Variants in CDCA7L observed in about 807,000 individuals in gnomAD.
CDCA7L encodes cell division cycle-associated 7-like protein.
In CDCA7L, 44 loss-of-function variants were observed where a neutral mutation model predicts 57.4. The observed-to-expected ratio is 0.77, with a 90% CI of 0.60 to 0.98. CDCA7L has a LOEUF of 0.98. Ranked by LOEUF, CDCA7L falls within the 50% of genes least tolerant of loss-of-function variation. The pLI is 0.00. For synonymous variants in CDCA7L, 236 were observed against 202.8 expected, an observed-to-expected ratio of 1.16 and a Z score of -1.39; for missense variants, 644 against 580.6, an observed-to-expected ratio of 1.11 and a Z score of -1.12.
intron 1 of CDCA7L, among the ~76,000 whole-genome samples, chr7:21,933,498 C>T (rs1387532547): frequency 6.6e-6 from 1 of 152,110 alleles, no homozygotes; most frequent in African/African-American, 2.4e-5. Flanking sequence ...ATGTCCTTTG[C>T]AGGGACATGG....
At chr7:21,942,069 C>T (rs1172450009) in intron 1 of CDCA7L, among the ~76,000 whole-genome samples, 1 of 151,038 alleles carries the variant, frequency 6.6e-6, no homozygotes, top group Non-Finnish European at 1.5e-5. Context: ...TTTGTTCTTC[C>T]ACCCTACCAA....
chr7:21,905,619 C>T lies in CDCA7L; in HGVS notation c.934G>A (p.Glu312Lys). The T allele has an allele frequency of 6.2e-7, 1 of 1,613,812 alleles. No individual in the cohort carries two copies. Among genetic ancestry groups the T allele is most frequent in the Admixed American group, 1.7e-5 (1 of 60,016 alleles). The stretch of plus-strand genomic sequence containing the variant: ...GATATACGGTGACGTCGTCTGTACT[C>T]CCGGCATTTCCCCTGCACAATGAAC... ...RRKTIGGKCR[E>K]YRRRHRISSF... is the part of the protein sequence containing the mutation. The change falls in exon 7 of 10, where the codon GAG becomes AAG. Residue 312 changes from glutamate to lysine, a missense_variant. Transcript: ENST00000406877.
chr7:21,905,824 CAATCAT>C (rs1324753316), intron 6 of CDCA7L, 193 bp from the exon 7 acceptor site: 2 of 599,088 alleles, frequency 3.3e-6, no homozygotes, highest in African/African-American at 3.7e-5. Context: ...CAAGGCGATA[CAATCAT>C]AAAGGAGGAA....
intron 3 of CDCA7L, among the ~76,000 whole-genome samples, chr7:21,908,967 G>C (rs926361027): frequency 6.6e-6 from 1 of 152,194 alleles, no homozygotes; most frequent in Non-Finnish European, 1.5e-5. Context: ...ATAACAGGGC[G>C]GGAGAGCTGA....
At chr7:21,923,245 C>A (rs1476080689) in intron 1 of CDCA7L, among the ~76,000 whole-genome samples, 4 of 152,100 alleles carry the variant, frequency 2.6e-5, no homozygotes, top group African/African-American at 9.7e-5. Flanking sequence ...TCCCAGCACT[C>A]TGGGAGGCCG....
intron 2 of CDCA7L, among the ~76,000 whole-genome samples, chr7:21,915,615 TG>T (rs2128061505): frequency 7.9e-6 from 1 of 126,350 alleles, no homozygotes; most frequent in South Asian, 2.5e-4. Context: ...CTGGCCAATA[TG>T]GCAAAACCCC....
At position 21,921,485 on chromosome 7, in the gene CDCA7L, C is replaced by T. The variant is rs80020898; in HGVS notation, c.25-4591G>A. On this transcript the variant is annotated intron_variant, in intron 1 of 9. Coordinates refer to ENST00000406877, the MANE Select transcript of CDCA7L (RefSeq NM_018719.5). ...CACAGGGACCTCTTCTAATGAATGA[C>T]CAGTTCCACAACACAGTGATACATT... 3.8e-3 allele frequency among the ~76,000 whole-genome samples: 580 copies of T among 152,146 alleles called. 1 individual carries two copies. The highest frequency in any genetic ancestry group is 0.013 in the African/African-American group (541 of 41,510).
chr7:21,923,790 T>C (rs1785740467), intron 1 of CDCA7L, among the ~76,000 whole-genome samples: 1 of 152,214 alleles, frequency 6.6e-6, no homozygotes, highest in Non-Finnish European at 1.5e-5. Flanking sequence ...AGAACCACAC[T>C]TGGCTGAAAT....
intron 1 of CDCA7L, among the ~76,000 whole-genome samples, chr7:21,930,403 G>A (rs1194238965): frequency 6.6e-6 from 1 of 152,086 alleles, no homozygotes; most frequent in East Asian, 1.9e-4. Context: ...ACAATTAAAA[G>A]AACTAGAGAG....
chr7:21,924,023 G>GT (rs1335978956), intron 1 of CDCA7L, among the ~76,000 whole-genome samples: 1 of 152,116 alleles, frequency 6.6e-6, no homozygotes, highest in African/African-American at 2.4e-5. Context: ...ATTCAATCAA[G>GT]TATTTACCTT....
At chr7:21,924,147 T>C (rs1322654874) in intron 1 of CDCA7L, among the ~76,000 whole-genome samples, 1 of 152,214 alleles carries the variant, frequency 6.6e-6, no homozygotes, top group East Asian at 1.9e-4. Flanking sequence ...AAATTCATCC[T>C]TCCTGGATTA....
At chr7:21,939,789 A>T (rs1786283667) in intron 1 of CDCA7L, among the ~76,000 whole-genome samples, 1 of 152,104 alleles carries the variant, frequency 6.6e-6, no homozygotes, top group African/African-American at 2.4e-5. Context: ...TCTAACAATC[A>T]AAAAGAAACC....
intron 1 of CDCA7L, among the ~76,000 whole-genome samples, chr7:21,920,324 G>A (rs1439392839): frequency 6.6e-6 from 1 of 152,180 alleles, no homozygotes; most frequent in African/African-American, 2.4e-5. Context: ...ACTTAGCTTC[G>A]TGGAATTCTC....
At chr7:21,943,192 G>C (rs1786398579) in intron 1 of CDCA7L, among the ~76,000 whole-genome samples, 1 of 152,212 alleles carries the variant, frequency 6.6e-6, no homozygotes. Flanking sequence ...AAGACACAGT[G>C]GTCAGCACGA....
At chr7:21,905,291 C>A (rs1222149804) in intron 7 of CDCA7L, among the ~76,000 whole-genome samples, 2 of 152,132 alleles carry the variant, frequency 1.3e-5, no homozygotes, top group Non-Finnish European at 1.5e-5. Context: ...CCAGATTCTA[C>A]GCATCCCTAA....
intron 3 of CDCA7L, among the ~76,000 whole-genome samples, chr7:21,910,991 G>A (rs901017770): frequency 2.2e-5 from 3 of 135,628 alleles, no homozygotes; most frequent in Non-Finnish European, 4.6e-5. Flanking sequence ...AGAGGTTTAA[G>A]GAACTCTTGA....
intron 1 of CDCA7L, among the ~76,000 whole-genome samples, chr7:21,931,531 T>C (rs12154480): frequency 6.6e-6 from 1 of 151,954 alleles, no homozygotes; most frequent in East Asian, 1.9e-4. Context: ...AAAAACCACA[T>C]GATTATCTCA....
rs1401284421 is a variant in CDCA7L at position 21,908,597 on chromosome 7, GA to G, written c.304-91del. ...TTTAAAACAACTGACAGCATTATGA[GA>G]AAAAACATGAAAAATGAAAAGCTTC... On this transcript the variant is annotated intron_variant, in intron 3 of 9. Coordinates refer to ENST00000406877, the MANE Select transcript of CDCA7L (RefSeq NM_018719.5). The G allele has an allele frequency of 3.1e-6, 4 of 1,279,680 alleles. 1 individual carries two copies. In the South Asian group the frequency reaches 8.1e-5, roughly 26 times the overall value. 79.3% of individuals were successfully genotyped at this position (1,279,680 alleles called of 1,614,324 possible).
chr7:21,906,742 T>C, intron 4 of CDCA7L, 103 bp from the exon 5 acceptor site: 2 of 1,036,214 alleles, frequency 1.9e-6, no homozygotes, highest in Non-Finnish European at 3.0e-6. Flanking sequence ...ATAAGAAACC[T>C]AACTTGAATA....
Sources: allele counts gnomAD v4.1 joint callset (sites outside exome capture counted in the v4.1 genomes callset), GRCh38; gene constraint gnomAD v4.1.1; transcripts MANE v1.5; gene names NCBI Gene and HGNC (gene_info 2026-07-23, HGNC 2026-07-21).